MIA2: variants seen among roughly 807,000 people sequenced by gnomAD.
The protein encoded by MIA2 is MIA SH3 domain ER export factor 2.
In MIA2, 127 loss-of-function variants were observed where a neutral mutation model predicts 167.8. The ratio of observed to expected loss-of-function variants is 0.76; its 90% CI spans 0.66 to 0.88. The LOEUF (loss-of-function observed/expected upper bound fraction) is 0.88. Ranked by LOEUF, MIA2 falls within the 40% of genes least tolerant of loss-of-function variation. The pLI is 0.00. For missense variants in MIA2, 1,690 were observed against 1,624.7 expected, an observed-to-expected ratio of 1.04 and a Z score of -0.69; for synonymous variants, 552 against 541.9, an observed-to-expected ratio of 1.02 and a Z score of -0.26.
intron 25 of MIA2, among the ~76,000 whole-genome samples, chr14:39,343,579 C>G (rs1216371220): frequency 2.0e-5 from 3 of 152,166 alleles, no homozygotes; most frequent in African/African-American, 7.2e-5. Flanking sequence ...TACACTTATT[C>G]CCACTCCTTA....
intron 17 of MIA2, among the ~76,000 whole-genome samples, chr14:39,305,111 C>T (rs1485235502): frequency 6.6e-6 from 1 of 152,112 alleles, no homozygotes; most frequent in African/African-American, 2.4e-5. Context: ...TCAAAAACTT[C>T]TACAGTAAGT....
intron 26 of MIA2, among the ~76,000 whole-genome samples, chr14:39,347,346 G>A (rs775729036): frequency 2.6e-5 from 4 of 152,140 alleles, no homozygotes; most frequent in Non-Finnish European, 5.9e-5. Flanking sequence ...CTTAATGGAG[G>A]AATAAGGACG....
chr14:39,299,187 A>G (rs183599895), intron 13 of MIA2, among the ~76,000 whole-genome samples: 2 of 149,802 alleles, frequency 1.3e-5, no homozygotes, highest in African/African-American at 2.4e-5. Flanking sequence ...AGTCAAGTCT[A>G]CCTTTTATAA....
intron 17 of MIA2, among the ~76,000 whole-genome samples, chr14:39,307,957 G>A (rs1262964792): frequency 6.6e-6 from 1 of 152,110 alleles, no homozygotes; most frequent in East Asian, 1.9e-4. Flanking sequence ...AGGGTAGGGG[G>A]TTAGGGAGAG....
At chr14:39,317,021 T>C (rs1464740600) in intron 21 of MIA2, among the ~76,000 whole-genome samples, 4 of 152,114 alleles carry the variant, frequency 2.6e-5, no homozygotes, top group African/African-American at 9.7e-5. Context: ...CTAAGGTAGA[T>C]AAAGGTTATC....
At chr14:39,265,329 G>A in intron 6 of MIA2, 1 of 1,205,700 alleles carries the variant, frequency 8.3e-7, no homozygotes, top group Admixed American at 1.8e-5. Flanking sequence ...TCTTTCTCAA[G>A]GATATGAGGT....
At chr14:39,280,377 A>G (rs2058739307) in intron 9 of MIA2, among the ~76,000 whole-genome samples, 1 of 151,582 alleles carries the variant, frequency 6.6e-6, no homozygotes, top group Non-Finnish European at 1.5e-5. Context: ...ATTTCTCTTC[A>G]TAAGTAGTAG....
intron 6 of MIA2, among the ~76,000 whole-genome samples, chr14:39,275,249 T>C (rs2057822640): frequency 6.6e-6 from 1 of 151,114 alleles, no homozygotes; most frequent in African/African-American, 2.4e-5. Context: ...CAAGTGATTG[T>C]CCCACCTCAG....
At chr14:39,309,246 A>G (rs73277479) in intron 18 of MIA2, among the ~76,000 whole-genome samples, 2,813 of 152,302 alleles carry the variant, frequency 0.018, 96 homozygotes, top group African/African-American at 0.064. Flanking sequence ...TGCAACATGC[A>G]GGATGACCCT....
At chr14:39,284,706 A>AT (rs987764477) in intron 9 of MIA2, among the ~76,000 whole-genome samples, 2 of 144,288 alleles carry the variant, frequency 1.4e-5, no homozygotes, top group African/African-American at 5.1e-5. Context: ...TAGGTATTTT[A>AT]TTTTTTTTGA....
intron 6 of MIA2, among the ~76,000 whole-genome samples, chr14:39,255,335 T>C (rs1317267970): frequency 6.6e-6 from 1 of 151,908 alleles, no homozygotes; most frequent in Non-Finnish European, 1.5e-5. Context: ...TGGTGAAACC[T>C]CGTCTCTACA....
At chr14:39,319,461 G>C (rs1345172234) in intron 23 of MIA2, among the ~76,000 whole-genome samples, 170 bp downstream of exon 23, 1 of 151,456 alleles carries the variant, frequency 6.6e-6, no homozygotes, top group African/African-American at 2.4e-5. Flanking sequence ...AAGCTTCTAG[G>C]TTTTGTTTCC....
intron 6 of MIA2, among the ~76,000 whole-genome samples, chr14:39,269,592 T>G (rs528797714): frequency 1.3e-5 from 2 of 151,788 alleles, no homozygotes; most frequent in African/African-American, 2.4e-5. Context: ...TGATCTCAGC[T>G]CACTGCAGCT....
intron 23 of MIA2, among the ~76,000 whole-genome samples, chr14:39,362,713 C>T (rs1241537724): frequency 6.6e-6 from 1 of 151,732 alleles, no homozygotes; most frequent in Non-Finnish European, 1.5e-5. Flanking sequence ...TATTTATTTC[C>T]TTCTAATTTT....
In MIA2 at chr14:39,295,022, A is replaced by G. The variant is rs1249857626; in HGVS notation, c.2489A>G (p.Gln830Arg). The G allele has an allele frequency of 1.9e-6, 3 of 1,608,178 alleles. No homozygotes were observed. The highest frequency in any genetic ancestry group is 1.3e-5 in the African/African-American group (1 of 74,946). ...GAAAATTCTCAACTTCAGGAAAGCC[A>G]GAAACAGGTTTGTGCTCCGTAGGGA... ...LNENSQLQES[Q>R]KQLLQEAEVW... The change falls in exon 13 of 29, where the codon CAG becomes CGG. Residue 830 changes from glutamine (Q) to arginine (R), a missense_variant. By Grantham distance (43) the Gln-to-Arg change is conservative (BLOSUM62 1). Coordinates refer to ENST00000640607, the MANE Select transcript of MIA2 (RefSeq NM_001329214.4).
In MIA2 at chr14:39,346,010, T is replaced by G; in HGVS notation, c.3762T>G (p.Pro1254=). 1 of 1,612,654 alleles carries G rather than the reference T, an allele frequency of 6.2e-7. No homozygotes were observed. The highest frequency in any genetic ancestry group is 8.5e-7 in the Non-Finnish European group (1 of 1,178,968). Residue 1254 remains proline (P), a synonymous_variant, in exon 26 of 29, where the codon CCT becomes CCG. Transcript: ENST00000640607. ...GPAELRSFNM[P]SLDKMDGSMP... is the part of the protein sequence containing the mutation. ...CAGAACTCAGAAGTTTTAATATGCC[T>G]TCTTTGGATAAAATGGGTAAGAAGT...
intron 3 of MIA2, among the ~76,000 whole-genome samples, chr14:39,242,842 G>A (rs558047693): frequency 6.6e-6 from 1 of 152,062 alleles, no homozygotes; most frequent in Admixed American, 6.6e-5. Context: ...GCGGGACTTG[G>A]CTGGGCATTG....
chr14:39,288,683 G>T (rs1022055965), intron 9 of MIA2, among the ~76,000 whole-genome samples: 1 of 150,414 alleles, frequency 6.6e-6, no homozygotes, highest in African/African-American at 2.5e-5. Flanking sequence ...GGATGGTCTG[G>T]AACTCCTGAC....
intron 25 of MIA2, among the ~76,000 whole-genome samples, chr14:39,334,730 G>C (rs1298232977): frequency 6.6e-6 from 1 of 151,954 alleles, no homozygotes; most frequent in African/African-American, 2.4e-5. Flanking sequence ...ACCATGCCCA[G>C]CTAATATTTG....
Sources: gnomAD v4.1 joint callset for allele counts (sites outside exome capture counted in the v4.1 genomes callset) on GRCh38, gnomAD v4.1.1 for gene constraint, MANE v1.5 for transcripts, NCBI Gene and HGNC (gene_info 2026-07-23, HGNC 2026-07-21) for gene names.